VAV1: variants seen among roughly 807,000 people sequenced by gnomAD.
VAV1 encodes vav guanine nucleotide exchange factor 1, also known as proto-oncogene vav.
Under a neutral mutation model 128.1 loss-of-function variants are expected in VAV1, and 33 were observed. The observed-to-expected ratio is 0.26, with a 90% CI of 0.20 to 0.34. VAV1 has a LOEUF of 0.34. Among genes scored for constraint, VAV1 ranks in the 10% least tolerant of loss-of-function variants. VAV1 has a pLI of 1.00. For synonymous variants in VAV1, 394 were observed against 409.8 expected, an observed-to-expected ratio of 0.96 and a Z score of 0.47; for missense variants, 715 against 1,093.7, an observed-to-expected ratio of 0.65 and a Z score of 4.88.
chr19:6,811,498 G>C (rs1044206344), intron 1 of VAV1, among the ~76,000 whole-genome samples: 16 of 152,272 alleles, frequency 1.1e-4, no homozygotes, highest in African/African-American at 3.9e-4. Context: ...ATCATGTTAA[G>C]GGAGGCTGCA....
rs995029550 is a variant in VAV1 at position 6,826,657 on chromosome 19, C to G, written c.873C>G (p.Ser291Arg). The G allele has an allele frequency of 1.3e-6, 2 of 1,562,826 alleles. No homozygotes were observed. Among genetic ancestry groups the G allele is most frequent in the Admixed American group, 3.8e-5 (2 of 52,688 alleles). Reference protein sequence around the residue: ...GRYCSQVESASKHLDRVAAAR... With the variant: ...GRYCSQVESARKHLDRVAAAR... ...ACTGCAGCCAGGTGGAGTCAGCCAGCAAACACCTGGACCGTGTGGCCGCAG... is the reference window on the plus strand; with the variant it reads ...ACTGCAGCCAGGTGGAGTCAGCCAGGAAACACCTGGACCGTGTGGCCGCAG... The change falls in exon 9 of 27, where the codon AGC becomes AGG. Residue 291 changes from serine to arginine, a missense_variant. By Grantham distance (110) the Ser-to-Arg change is moderately radical. Around this residue, in one of 3 missense-constraint regions of VAV1, gnomAD observed 302 missense variants for 477.8 expected, o/e 0.63. Coordinates refer to ENST00000602142, the MANE Select transcript of VAV1 (RefSeq NM_005428.4). The surrounding 1 kb of genome is among the most constrained non-coding windows in gnomAD (Gnocchi z 4.1).
At position 6,833,644 on chromosome 19, in the gene VAV1, C is replaced by T. The variant is rs773169274; in HGVS notation, c.1708+19C>T. On this transcript the variant is annotated intron_variant, in intron 17 of 26. Coordinates refer to ENST00000602142, the MANE Select transcript of VAV1 (RefSeq NM_005428.4). ...GGGCAAGGTACGAGTGGGAGGGAGG[C>T]TGGGAGGTGAGCTTGGTTCTCTTTG... 1.4e-5 allele frequency: 22 copies of T among 1,614,030 alleles called. 1 individual carries two copies. In the South Asian group the frequency reaches 2.2e-4, roughly 16 times the overall value.
intron 20 of VAV1, 47 bp downstream of exon 20, chr19:6,836,615 G>T: frequency 6.2e-7 from 1 of 1,603,602 alleles, no homozygotes; most frequent in Non-Finnish European, 8.5e-7. Flanking sequence ...CCAAGTGTAG[G>T]GTTATGGATT....
chr19:6,800,805 T>C (rs1971250193), intron 1 of VAV1, among the ~76,000 whole-genome samples: 2 of 150,000 alleles, frequency 1.3e-5, no homozygotes, highest in Non-Finnish European at 3.0e-5. Flanking sequence ...TGTGTGTGTG[T>C]GTGTGCAGTC....
At chr19:6,845,236 T>C (rs1972491006) in intron 22 of VAV1, among the ~76,000 whole-genome samples, 1 of 151,366 alleles carries the variant, frequency 6.6e-6, no homozygotes, top group South Asian at 2.1e-4. Flanking sequence ...CAAAAAAAAA[T>C]TAGCTGGGCA....
intron 26 of VAV1, among the ~76,000 whole-genome samples, chr19:6,855,092 T>G (rs1301750137): frequency 6.6e-6 from 1 of 152,230 alleles, no homozygotes; most frequent in African/African-American, 2.4e-5. Flanking sequence ...TTTTGTTCCA[T>G]GAAGGCAGAG....
At chr19:6,816,594 A>G (rs1971661037) in intron 1 of VAV1, 1 of 147,756 alleles carries the variant, frequency 6.8e-6, no homozygotes, top group South Asian at 2.1e-4. Context: ...GTTTAATTGC[A>G]GCTCCTCCCC....
chr19:6,815,930 C>T (rs1022510886), intron 1 of VAV1, among the ~76,000 whole-genome samples: 1 of 151,906 alleles, frequency 6.6e-6, no homozygotes, highest in South Asian at 2.1e-4. Context: ...GGCTCCCACC[C>T]GTAATACCAA....
intron 1 of VAV1, among the ~76,000 whole-genome samples, chr19:6,810,683 C>T (rs551445304): frequency 3.8e-4 from 58 of 151,440 alleles, no homozygotes; most frequent in Non-Finnish European, 7.8e-4. Flanking sequence ...CTGGCCTGGG[C>T]GACAAGAGTG....
Position 6,777,891 on chromosome 19 carries a change from C to T in VAV1, c.204+4880C>T, listed in dbSNP as rs147278126. On this transcript the variant is annotated intron_variant, in intron 1 of 26. Coordinates refer to ENST00000602142, the MANE Select transcript of VAV1 (RefSeq NM_005428.4). The surrounding 1 kb of genome is among the most constrained non-coding windows in gnomAD (Gnocchi z 4.4). ...TCCCAACTCACTGCAGCCTCCACCT[C>T]CCAGGTTCAAGCAATTCTCCTGCAG... Among the ~76,000 whole-genome samples the T allele has an allele frequency of 0.017, 2,577 of 152,216 alleles. 86 individuals carry two copies. Among genetic ancestry groups the T allele is most frequent in the African/African-American group, 0.06 (2,482 of 41,514 alleles).
chr19:6,814,428 A>G (rs1971577482), intron 1 of VAV1, among the ~76,000 whole-genome samples: 1 of 151,984 alleles, frequency 6.6e-6, no homozygotes, highest in Non-Finnish European at 1.5e-5. Flanking sequence ...TGCTTACTGT[A>G]GGATTTCACA....
chr19:6,815,848 T>C (rs983437970), intron 1 of VAV1, among the ~76,000 whole-genome samples: 1 of 152,090 alleles, frequency 6.6e-6, no homozygotes, highest in Non-Finnish European at 1.5e-5. Context: ...TGGAAGCTCA[T>C]GCTAGCTTCC....
At chr19:6,816,692 T>C (rs1275686985) in intron 1 of VAV1, among the ~76,000 whole-genome samples, 1 of 151,924 alleles carries the variant, frequency 6.6e-6, no homozygotes, top group East Asian at 2.0e-4. Flanking sequence ...CAGACGGGTG[T>C]GGTGGCTCAT....
chr19:6,839,482 G>T (rs949123779), intron 21 of VAV1, among the ~76,000 whole-genome samples: 1 of 151,890 alleles, frequency 6.6e-6, no homozygotes, highest in Non-Finnish European at 1.5e-5. Context: ...TGGTCAGGCT[G>T]ATCTCAAACT....
intron 14 of VAV1, among the ~76,000 whole-genome samples, chr19:6,831,806 C>T (rs775419939): frequency 7.9e-5 from 12 of 151,984 alleles, no homozygotes; most frequent in Non-Finnish European, 1.3e-4. Flanking sequence ...ACAGAAAAAT[C>T]GATGATGAGT....
chr19:6,801,986 G>A (rs1452101562), intron 1 of VAV1, among the ~76,000 whole-genome samples: 5 of 151,604 alleles, frequency 3.3e-5, no homozygotes, highest in Admixed American at 2.0e-4. Context: ...GAGGAAGGAA[G>A]AGGGGCACTG....
At position 6,804,113 on chromosome 19, in the gene VAV1, G is replaced by A. The variant is rs546272589; in HGVS notation, c.205-16589G>A. Among the ~76,000 whole-genome samples the A allele has an allele frequency of 2.0e-4, 30 of 152,138 alleles. No individual in the cohort carries two copies. The South Asian group carries it at 4.6e-3, about 23-fold the overall frequency. On this transcript the variant is annotated intron_variant, in intron 1 of 26. Coordinates refer to ENST00000602142, the MANE Select transcript of VAV1 (RefSeq NM_005428.4). ...TAGGCAGAGCATGGAAGCTTTCCAC[G>A]GCAGTGAAAATACTCTCTATGACAC...
intron 1 of VAV1, among the ~76,000 whole-genome samples, chr19:6,814,043 G>C (rs1002457926): frequency 2.6e-5 from 4 of 152,126 alleles, no homozygotes; most frequent in African/African-American, 9.7e-5. Context: ...CTGGGTGACA[G>C]AGTGATACCC....
rs1373086227 is a variant in VAV1, at chr19:6,852,733, A to AG, written c.2218-232_2218-231insG. 4.0e-5 allele frequency among the ~76,000 whole-genome samples: 6 copies of AG among 151,868 alleles called. No individual in the cohort carries two copies. The East Asian group carries it at 1.2e-3, about 29-fold the overall frequency. On this transcript the variant is annotated intron_variant, in intron 24 of 26. Transcript: ENST00000602142. ...CAGACTCCGTCTCAAAGAAAAAAAAAAAAGAAAGAAAGAACCTGTTTTAGG... is the reference window on the plus strand; with the variant it reads ...CAGACTCCGTCTCAAAGAAAAAAAAAGAAAGAAAGAAAGAACCTGTTTTAGG...
Sources: gnomAD v4.1 joint callset for allele counts (sites outside exome capture counted in the v4.1 genomes callset) on GRCh38, gnomAD v4.1.1 for gene constraint, gnomAD v4.1.1 regional missense constraint, Gnocchi (gnomAD v3.1) non-coding constraint, MANE v1.5 for transcripts, NCBI Gene and HGNC (gene_info 2026-07-23, HGNC 2026-07-21) for gene names.